Variants in INPP1 observed in about 807,000 individuals in gnomAD.
INPP1 encodes inositol polyphosphate 1-phosphatase.
INPP1 carries 18 observed loss-of-function variants against 23.0 expected under a neutral mutation model. That is an observed-to-expected ratio of 0.78 (90% CI 0.54 to 1.16). INPP1 has a LOEUF of 1.16. Among genes scored for constraint, INPP1 ranks in the 50% most tolerant of loss-of-function variants. The pLI, the probability that INPP1 is intolerant of heterozygous loss-of-function variation, is 0.00. For missense variants in INPP1, 448 were observed against 482.1 expected (o/e 0.93, Z 0.66); for synonymous variants, 164 against 176.3 (o/e 0.93, Z 0.55).
chr2:190,360,035 C>A lies in INPP1; in HGVS notation c.-64-4C>A. On this transcript the variant is annotated splice_polypyrimidine_tract_variant and splice_region_variant and intron_variant, in intron 2 of 6. Coordinates refer to ENST00000392329, the MANE Select transcript of INPP1 (RefSeq NM_001128928.2). Reference sequence around the variant, plus strand: ...TTCTCTTTCACATTCTTGTATTTTTCCAGCTGACGGCCCAGAGGGTGGGTG... The same window carrying A: ...TTCTCTTTCACATTCTTGTATTTTTACAGCTGACGGCCCAGAGGGTGGGTG... 1 of 1,499,780 alleles carries A rather than the reference C, an allele frequency of 6.7e-7. No homozygotes were observed. The highest frequency in any genetic ancestry group is 9.2e-7 in the Non-Finnish European group (1 of 1,081,986). 92.9% of individuals were successfully genotyped at this position (1,499,780 alleles called of 1,614,324 possible).
In INPP1 at chr2:190,355,766, G is replaced by T. The variant is rs1389805654; in HGVS notation, c.-64-4273G>T. ...TGAAATAAAGTGGTCTTAGGTGAAT[G>T]ATGAGTATGTAAACTTACTTTTTAA... On this transcript the variant is annotated intron_variant, in intron 2 of 6. Coordinates refer to ENST00000392329, the MANE Select transcript of INPP1 (RefSeq NM_001128928.2). The surrounding 1 kb of genome is among the most constrained non-coding windows in gnomAD (Gnocchi z 5.1). Among the ~76,000 whole-genome samples the T allele has an allele frequency of 1.3e-5, 2 of 152,138 alleles. No homozygotes were observed. The highest frequency in any genetic ancestry group is 4.8e-5 in the African/African-American group (2 of 41,418).
At chr2:190,347,153 A>G (rs1689234185) in intron 1 of INPP1, among the ~76,000 whole-genome samples, 1 of 151,616 alleles carries the variant, frequency 6.6e-6, no homozygotes, top group Non-Finnish European at 1.5e-5. Context: ...CTGGGATTAC[A>G]GGTGCCCGCT....
chr2:190,370,694 T>C, intron 6 of INPP1, 150 bp from the exon 7 acceptor site: 1 of 660,936 alleles, frequency 1.5e-6, no homozygotes, highest in Non-Finnish European at 2.6e-6. Context: ...ATAAACTAGC[T>C]ACCTGATATC....
chr2:190,366,581 CTCTG>C (rs1337661158), intron 4 of INPP1, 110 bp from the exon 5 acceptor site: 6 of 783,448 alleles, frequency 7.7e-6, no homozygotes, highest in South Asian at 4.8e-5. Context: ...CTCGCTCTCT[CTCTG>C]TCTCTCTCTC....
At chr2:190,357,311 C>T (rs964761484) in intron 2 of INPP1, among the ~76,000 whole-genome samples, 1 of 152,170 alleles carries the variant, frequency 6.6e-6, no homozygotes, top group African/African-American at 2.4e-5. Context: ...TATAAAAGCA[C>T]TGTATATTTC....
In INPP1 at chr2:190,356,138, T is replaced by G. The variant is rs1044772697; in HGVS notation, c.-64-3901T>G. 1.3e-5 allele frequency among the ~76,000 whole-genome samples: 2 copies of G among 152,116 alleles called. No homozygotes were observed. Among genetic ancestry groups the G allele is most frequent in the Non-Finnish European group, 2.9e-5 (2 of 68,030 alleles). On this transcript the variant is annotated intron_variant, in intron 2 of 6. Transcript: ENST00000392329. This position sits in a 1 kb window ranked among gnomAD's most constrained non-coding sequence, Gnocchi z 6.4. ...TTGTGGCCTGCCTGTGTGAACTGAG[T>G]TGAGGATACATGGAGAGCCAGGGCC...
chr2:190,356,667 G>C lies in INPP1; in HGVS notation c.-64-3372G>C, dbSNP rs1689425916. On this transcript the variant is annotated intron_variant, in intron 2 of 6. Transcript: ENST00000392329. The surrounding 1 kb of genome is among the most constrained non-coding windows in gnomAD (Gnocchi z 6.4). ...TAGGGTGTTATAAGGAGTGTTTCTT[G>C]GTTATTCAACAGTGTAGTTAGTATC... 2 of 152,162 alleles carry C rather than the reference G, an allele frequency of 1.3e-5. No homozygotes were observed. The highest frequency in any genetic ancestry group is 1.3e-4 in the Admixed American group (2 of 15,296). The allele number at this position is 152,162 out of a possible 1,614,324, so 9.4% of individuals were successfully genotyped here. A position where few individuals can be genotyped will look rare whatever the true frequency, so the allele number is the denominator to read the frequency against.
chr2:190,371,195 A>G lies in INPP1; in HGVS notation c.993A>G (p.Ile331Met). ...TACTGAGGGCCATGGGTGGGGGAAT[A>G]GTAGACTTGAAAGAATGCTTAGAAA... Reference protein sequence around the residue: ...HAILRAMGGGIVDLKECLERN... With the variant: ...HAILRAMGGGMVDLKECLERN... Residue 331 changes from isoleucine to methionine, a missense_variant, in exon 7 of 7, where the codon ATA (isoleucine) becomes ATG (methionine). Transcript: ENST00000392329. This position sits in a 1 kb window ranked among gnomAD's most constrained non-coding sequence, Gnocchi z 5.3. 1.2e-6 allele frequency: 2 copies of G among 1,613,900 alleles called. No individual in the cohort carries two copies. Among genetic ancestry groups the G allele is most frequent in the Non-Finnish European group, 1.7e-6 (2 of 1,179,780 alleles).
At chr2:190,349,874 TCAC>T (rs1305708428) in intron 2 of INPP1, among the ~76,000 whole-genome samples, 2 of 152,236 alleles carry the variant, frequency 1.3e-5, no homozygotes, top group African/African-American at 4.8e-5. Context: ...GAGACAGAGT[TCAC>T]CGTGTCACCT....
chr2:190,368,876 C>A lies in INPP1; in HGVS notation c.467-227C>A, dbSNP rs1339388041. ...CTGTTATATACAAATTGCTATGCCA[C>A]AGGAACTATAGACACATCCTCTCCC... is the stretch of plus-strand genomic sequence containing the variant. On this transcript the variant is annotated intron_variant, in intron 5 of 6. Transcript: ENST00000392329. This position sits in a 1 kb window ranked among gnomAD's most constrained non-coding sequence, Gnocchi z 4.3. 2.9e-6 allele frequency: 1 copy of A among 341,746 alleles called. No homozygotes were observed. The highest frequency in any genetic ancestry group is 2.1e-5 in the African/African-American group (1 of 47,428). 21.2% of individuals were successfully genotyped at this position (341,746 alleles called of 1,614,324 possible). A position where few individuals can be genotyped will look rare whatever the true frequency, so the allele number is the denominator to read the frequency against.
chr2:190,348,047 A>C (rs1363610629), intron 1 of INPP1, among the ~76,000 whole-genome samples: 1 of 152,208 alleles, frequency 6.6e-6, no homozygotes, highest in Non-Finnish European at 1.5e-5. Flanking sequence ...CTAAGGCAGG[A>C]GAATCGCTTG....
rs1689338327 is a variant in INPP1 at position 190,352,263 on chromosome 2, A to G, written c.-65+3232A>G. ...CAGGAGAGCAAATGGATAGTGCAAA[A>G]TCAGCTACTAAAAGGCTAAACTTAA... On this transcript the variant is annotated intron_variant, in intron 2 of 6. Transcript: ENST00000392329. This position sits in a 1 kb window ranked among gnomAD's most constrained non-coding sequence, Gnocchi z 4.7. 6.6e-6 allele frequency among the ~76,000 whole-genome samples: 1 copy of G among 152,192 alleles called. No individual in the cohort carries two copies. The highest frequency in any genetic ancestry group is 1.5e-5 in the Non-Finnish European group (1 of 68,034).
At position 190,367,107 on chromosome 2, in the gene INPP1, T is replaced by G. The variant is rs926162483; in HGVS notation, c.466+212T>G. Among the ~76,000 whole-genome samples the G allele has an allele frequency of 6.6e-6, 1 of 152,184 alleles. No individual in the cohort carries two copies. The highest frequency in any genetic ancestry group is 1.5e-5 in the Non-Finnish European group (1 of 68,040). ...TATATTATAGCCGTGTGTATATATA[T>G]ACATATCTATAACAGGTGTGTGTAT... is the stretch of plus-strand genomic sequence containing the variant. On this transcript the variant is annotated intron_variant, in intron 5 of 6. Transcript: ENST00000392329. The surrounding 1 kb of genome is among the most constrained non-coding windows in gnomAD (Gnocchi z 4.1).
At chr2:190,369,359 A>G (rs1420485561) in intron 6 of INPP1, 82 bp downstream of exon 6, 1 of 683,966 alleles carries the variant, frequency 1.5e-6, no homozygotes, top group African/African-American at 1.8e-5. Context: ...TTATCACTAT[A>G]TGACATTCCC....
At chr2:190,362,235 A>C (rs112117441) in intron 3 of INPP1, among the ~76,000 whole-genome samples, 1,680 of 152,306 alleles carry the variant, frequency 0.011, 30 homozygotes, top group South Asian at 0.059. Context: ...ATACTTGATC[A>C]ACGAAATTGC....
In INPP1 at chr2:190,367,306, A is replaced by T. The variant is rs1009157197; in HGVS notation, c.466+411A>T. Among the ~76,000 whole-genome samples, 1 of 152,220 alleles carries T rather than the reference A, an allele frequency of 6.6e-6. No homozygotes were observed. The highest frequency in any genetic ancestry group is 2.4e-5 in the African/African-American group (1 of 41,460). ...CTTTAGCAGATTGTTACCATATGGGAGTACAGGCCAGCTCTTCAGATTTTT... is the reference window on the plus strand; with the variant it reads ...CTTTAGCAGATTGTTACCATATGGGTGTACAGGCCAGCTCTTCAGATTTTT... On this transcript the variant is annotated intron_variant, in intron 5 of 6. Coordinates refer to ENST00000392329, the MANE Select transcript of INPP1 (RefSeq NM_001128928.2). This position sits in a 1 kb window ranked among gnomAD's most constrained non-coding sequence, Gnocchi z 4.1.
Position 190,354,393 on chromosome 2 carries a change from C to T in INPP1, c.-65+5362C>T, listed in dbSNP as rs1211996420. 6.9e-6 allele frequency among the ~76,000 whole-genome samples: 1 copy of T among 145,360 alleles called. No homozygotes were observed. The highest frequency in any genetic ancestry group is 2.5e-5 in the African/African-American group (1 of 39,358). ...CTAAATTATGTTACTTCAAAATTCACATGTTGAAGCCCCAACCCCCAGTAC... is the reference window on the plus strand; with the variant it reads ...CTAAATTATGTTACTTCAAAATTCATATGTTGAAGCCCCAACCCCCAGTAC... On this transcript the variant is annotated intron_variant, in intron 2 of 6. Coordinates refer to ENST00000392329, the MANE Select transcript of INPP1 (RefSeq NM_001128928.2). The surrounding 1 kb of genome is among the most constrained non-coding windows in gnomAD (Gnocchi z 4.8).
intron 1 of INPP1, among the ~76,000 whole-genome samples, chr2:190,347,848 A>T (rs1464965004): frequency 6.6e-6 from 1 of 152,220 alleles, no homozygotes; most frequent in Non-Finnish European, 1.5e-5. Flanking sequence ...TCTTAAAATG[A>T]GGATGGAGGC....
intron 2 of INPP1, 149 bp from the exon 3 acceptor site, chr2:190,359,890 T>C: frequency 1.9e-6 from 1 of 528,526 alleles, no homozygotes; most frequent in Non-Finnish European, 3.4e-6. Flanking sequence ...GTATCTAGAG[T>C]CTTCCACACT....
Sources: gnomAD v4.1 joint callset for allele counts (sites outside exome capture counted in the v4.1 genomes callset) on GRCh38, gnomAD v4.1.1 for gene constraint, Gnocchi (gnomAD v3.1) non-coding constraint, MANE v1.5 for transcripts, NCBI Gene and HGNC (gene_info 2026-07-23, HGNC 2026-07-21) for gene names.